Variants in NHLRC3 observed in about 807,000 individuals in gnomAD.
NHLRC3 encodes NHL repeat-containing protein 3.
NHLRC3 carries 23 observed loss-of-function variants against 32.0 expected under a neutral mutation model. The observed-to-expected ratio is 0.72, with a 90% CI of 0.52 to 1.02. The LOEUF (loss-of-function observed/expected upper bound fraction) is 1.02. NHLRC3 is among the 50% of genes least tolerant of loss of function. The pLI is 0.00. For synonymous variants in NHLRC3, 159 were observed against 147.9 expected, an observed-to-expected ratio of 1.08 and a Z score of -0.55; for missense variants, 407 against 406.8, an observed-to-expected ratio of 1.00 and a Z score of -0.01.
intron 3 of NHLRC3, chr13:39,040,354 G>T (rs1871421398): frequency 6.6e-6 from 1 of 152,168 alleles, no homozygotes; most frequent in Non-Finnish European, 1.5e-5. Flanking sequence ...GCAATGACTG[G>T]AATCCTTGAC....
At chr13:39,047,210 C>A (rs1871717721) in intron 6 of NHLRC3, 58 bp downstream of exon 6, 1 of 901,314 alleles carries the variant, frequency 1.1e-6, no homozygotes, top group Non-Finnish European at 1.8e-6. Flanking sequence ...TGTCTCACTT[C>A]CTCTGAATAG....
At chr13:39,043,896 A>G (rs1056436048) in intron 4 of NHLRC3, among the ~76,000 whole-genome samples, 194 bp from the exon 5 acceptor site, 4 of 152,124 alleles carry the variant, frequency 2.6e-5, no homozygotes, top group African/African-American at 9.7e-5. Context: ...TTAATTCCCT[A>G]AAGCAGAGAA....
At chr13:39,042,055 ATGTT>A (rs748395514) in intron 3 of NHLRC3, 46 bp from the exon 4 acceptor site, 1 of 1,104,548 alleles carries the variant, frequency 9.1e-7, no homozygotes, top group Non-Finnish European at 1.4e-6. Flanking sequence ...AAAAATCTGA[ATGTT>A]TGTATAGTGG....
chr13:39,046,326 A>T (rs1002952768), intron 5 of NHLRC3, among the ~76,000 whole-genome samples: 7 of 151,640 alleles, frequency 4.6e-5, no homozygotes, highest in African/African-American at 1.7e-4. Context: ...CTCAAAAAAT[A>T]AAAAAAACCA....
rs1266648834 is a variant in NHLRC3, at chr13:39,039,221, A to C, written c.170A>C (p.Glu57Ala). ...GATGTGGGTTGGCCTAAGCACCCAG[A>C]ATATTTTACCGGAACAACATTTTGT... Reference protein sequence around the residue: ...RLDVGWPKHPEYFTGTTFCVA... With the variant: ...RLDVGWPKHPAYFTGTTFCVA... Residue 57 changes from glutamate (E) to alanine (A), a missense_variant, in exon 2 of 7, where the codon GAA becomes GCA. Transcript: ENST00000379600. The C allele has an allele frequency of 6.2e-7, 1 of 1,614,044 alleles. No homozygotes were observed. The highest frequency in any genetic ancestry group is 1.6e-4 in the Middle Eastern group (1 of 6,062).
intron 2 of NHLRC3, 29 bp from the exon 3 acceptor site, chr13:39,039,535 C>G: frequency 6.3e-7 from 1 of 1,584,012 alleles, no homozygotes; most frequent in Non-Finnish European, 8.6e-7. Flanking sequence ...TAAGCTGATC[C>G]TAAGAAGTTA....
At chr13:39,042,907 T>C (rs1871518279) in intron 4 of NHLRC3, among the ~76,000 whole-genome samples, 1 of 152,130 alleles carries the variant, frequency 6.6e-6, no homozygotes, top group Non-Finnish European at 1.5e-5. Flanking sequence ...TCATGCATGG[T>C]CTACAGGCAT....
At chr13:39,044,808 A>C (rs1381710839) in intron 5 of NHLRC3, among the ~76,000 whole-genome samples, 4 of 152,202 alleles carry the variant, frequency 2.6e-5, no homozygotes, top group Non-Finnish European at 5.9e-5. Flanking sequence ...TTACCTTTTC[A>C]CAACGAAACC....
rs145974217 is a variant in NHLRC3 at position 39,039,584 on chromosome 13, G to A, written c.258G>A (p.Lys86=). The part of the protein sequence containing the change: ...YIGQRGDNIP[K]ILVFTEDGYF... Reference sequence around the variant, plus strand: ...TTCAGAGAGGGGATAACATCCCAAAGATATTAGTGTTCACAGAGGATGGAT... The same window carrying A: ...TTCAGAGAGGGGATAACATCCCAAAAATATTAGTGTTCACAGAGGATGGAT... Residue 86 remains lysine (K), a synonymous_variant, in exon 3 of 7, where the codon AAG becomes AAA. Coordinates refer to ENST00000379600, the MANE Select transcript of NHLRC3 (RefSeq NM_001012754.4). The A allele has an allele frequency of 5.4e-4, 863 of 1,612,144 alleles. 9 individuals are homozygous for A. The African/African-American group carries it at 1.0e-2, about 19-fold the overall frequency.
intron 5 of NHLRC3, among the ~76,000 whole-genome samples, chr13:39,046,132 A>G (rs1189074758): frequency 6.6e-6 from 1 of 152,158 alleles, no homozygotes; most frequent in Non-Finnish European, 1.5e-5. Context: ...GATCGAGACC[A>G]TGGTGAAACC....
chr13:39,039,197 A>G lies in NHLRC3; in HGVS notation c.146A>G (p.Asp49Gly), dbSNP rs536309792. The G allele has an allele frequency of 6.2e-7, 1 of 1,613,804 alleles. No homozygotes were observed. Among genetic ancestry groups the G allele is most frequent in the Non-Finnish European group, 8.5e-7 (1 of 1,179,802 alleles). The change falls in exon 2 of 7, where the codon GAT (aspartate) becomes GGT (glycine). Residue 49 changes from aspartate to glycine, a missense_variant. Physicochemically the swap from Asp to Gly is moderately conservative, Grantham distance 94. Transcript: ENST00000379600. ...WRTEKILYRLDVGWPKHPEYF... is the reference protein window; with the variant it reads ...WRTEKILYRLGVGWPKHPEYF... The stretch of plus-strand genomic sequence containing the variant: ...ACTGAGAAAATTCTTTACCGGCTGG[A>G]TGTGGGTTGGCCTAAGCACCCAGAA...
In NHLRC3 at chr13:39,048,306, A is replaced by C. The variant is rs1237878567; in HGVS notation, c.*380A>C. On this transcript the variant is annotated 3_prime_UTR_variant, in exon 7 of 7. Coordinates refer to ENST00000379600, the MANE Select transcript of NHLRC3 (RefSeq NM_001012754.4). ...CTCCAGACCTCCAGATTGTGCAACT[A>C]ACATAAAATGAGCTGCTTGAGAGAT... The C allele has an allele frequency of 6.2e-6, 1 of 162,390 alleles. No homozygotes were observed. Among genetic ancestry groups the C allele is most frequent in the Non-Finnish European group, 1.3e-5 (1 of 74,164 alleles). The allele number at this position is 162,390 out of a possible 1,614,324, so 10.1% of individuals were successfully genotyped here.
At chr13:39,045,693 G>A (rs1158587637) in intron 5 of NHLRC3, among the ~76,000 whole-genome samples, 1 of 152,122 alleles carries the variant, frequency 6.6e-6, no homozygotes, top group Non-Finnish European at 1.5e-5. Flanking sequence ...TTGGTCATTT[G>A]TCTGGGATAC....
At position 39,047,891 on chromosome 13, in the gene NHLRC3, C is replaced by A; in HGVS notation, c.1009C>A (p.Pro337Thr). The change falls in exon 7 of 7, where the codon CCT (proline) becomes ACT (threonine). Residue 337 changes from proline to threonine, a missense_variant. By Grantham distance (38) the Pro-to-Thr change is conservative (BLOSUM62 -1). Transcript: ENST00000379600. ...IGAKQVQKYV[P>T]LNSYVPSFGS ...AGCAAAACAAGTACAAAAATATGTC[C>A]CTTTGAATAGCTATGTTCCTTCATT... The A allele has an allele frequency of 6.2e-7, 1 of 1,612,804 alleles. No homozygotes were observed. Among genetic ancestry groups the A allele is most frequent in the Non-Finnish European group, 8.5e-7 (1 of 1,179,046 alleles).
At chr13:39,039,081 T>C in intron 1 of NHLRC3, 55 bp from the exon 2 acceptor site, 1 of 1,227,130 alleles carries the variant, frequency 8.1e-7, no homozygotes, top group South Asian at 1.3e-5. Context: ...CCCCGCCCTT[T>C]TTTTGTTCTT....
rs1170701113 is a variant in NHLRC3 at position 39,047,029 on chromosome 13, G to A, written c.679-11G>A. ...GATATTTTTCAATTGACATTTTTGT[G>A]TGTTTCTCAGGTGTGGGTTGCTGAC... On this transcript the variant is annotated splice_polypyrimidine_tract_variant and intron_variant, in intron 5 of 6. Coordinates refer to ENST00000379600, the MANE Select transcript of NHLRC3 (RefSeq NM_001012754.4). 2 of 1,516,246 alleles carry A rather than the reference G, an allele frequency of 1.3e-6. No homozygotes were observed. The allele number at this position is 1,516,246 out of a possible 1,614,324, so 93.9% of individuals were successfully genotyped here.
chr13:39,039,193 C>A lies in NHLRC3; in HGVS notation c.142C>A (p.Leu48Met), dbSNP rs999880067. The change falls in exon 2 of 7, where the codon CTG becomes ATG. Residue 48 changes from leucine (L) to methionine (M), a missense_variant. By Grantham distance (15) the Leu-to-Met change is conservative. Transcript: ENST00000379600. ...GAGAACTGAGAAAATTCTTTACCGG[C>A]TGGATGTGGGTTGGCCTAAGCACCC... Reference protein sequence around the residue: ...SWRTEKILYRLDVGWPKHPEY... With the variant: ...SWRTEKILYRMDVGWPKHPEY... 3.1e-6 allele frequency: 5 copies of A among 1,613,542 alleles called. No individual in the cohort carries two copies. Among genetic ancestry groups the A allele is most frequent in the Non-Finnish European group, 4.2e-6 (5 of 1,179,748 alleles).
At chr13:39,047,002 T>C in intron 5 of NHLRC3, 38 bp from the exon 6 acceptor site, 1 of 1,218,048 alleles carries the variant, frequency 8.2e-7, no homozygotes, top group Non-Finnish European at 1.2e-6. Context: ...TTTCTTCTCA[T>C]GGATATTTTT....
chr13:39,047,278 T>G, intron 6 of NHLRC3, 126 bp downstream of exon 6: 1 of 615,312 alleles, frequency 1.6e-6, no homozygotes, highest in Non-Finnish European at 2.8e-6. Flanking sequence ...AATAGAAATA[T>G]ACAGAGAAAT....
Sources: gnomAD v4.1 joint callset for allele counts (sites outside exome capture counted in the v4.1 genomes callset) on GRCh38, gnomAD v4.1.1 for gene constraint, MANE v1.5 for transcripts, NCBI Gene and HGNC (gene_info 2026-07-23, HGNC 2026-07-21) for gene names.